Variants in KATNAL1 observed in about 807,000 individuals in gnomAD.
KATNAL1 encodes katanin catalytic subunit A1 like 1.
In KATNAL1, 32 loss-of-function variants were observed where a neutral mutation model predicts 55.2. That is an observed-to-expected ratio of 0.58 (90% CI 0.44 to 0.78). The LOEUF (loss-of-function observed/expected upper bound fraction) is 0.78, where lower values mean the gene tolerates loss of function less well. KATNAL1 is among the 30% of genes least tolerant of loss of function. KATNAL1 has a pLI of 0.00. For synonymous variants in KATNAL1, 193 were observed against 193.6 expected (o/e 1.00, Z 0.02); for missense variants, 466 against 600.9 (o/e 0.78, Z 2.35).
At chr13:30,220,403 G>GT (rs1167842543) in intron 9 of KATNAL1, among the ~76,000 whole-genome samples, 1 of 152,082 alleles carries the variant, frequency 6.6e-6, no homozygotes, top group African/African-American at 2.4e-5. Flanking sequence ...GGAGATTGCA[G>GT]TGAGCCGAAA....
rs1566122301 is a variant in KATNAL1, at chr13:30,274,893, GCGCGCGCGCGCGCGCA to G, written c.323+5154_323+5169del. Among the ~76,000 whole-genome samples the G allele has an allele frequency of 3.0e-3, 301 of 100,898 alleles. 10 individuals carry two copies. The highest frequency in any genetic ancestry group is 2.3e-3 in the Non-Finnish European group (115 of 50,802). 66.2% of individuals were successfully genotyped at this position (100,898 alleles called of 152,430 possible). On this transcript the variant is annotated intron_variant, in intron 3 of 10. Coordinates refer to ENST00000380615, the MANE Select transcript of KATNAL1 (RefSeq NM_032116.5). ...GGGCGGGGTGTGTGCACACACATAC[GCGCGCGCGCGCGCGCA>G]CACACACACACACACACACACACAC... is the stretch of plus-strand genomic sequence containing the variant.
At chr13:30,269,135 G>C (rs540362764) in intron 3 of KATNAL1, among the ~76,000 whole-genome samples, 4 of 151,990 alleles carry the variant, frequency 2.6e-5, no homozygotes, top group Non-Finnish European at 2.9e-5. Flanking sequence ...ATGCCGAGCC[G>C]AAGCTGGACT....
intron 1 of KATNAL1, chr13:30,296,730 A>T (rs1882526745): frequency 1.8e-6 from 1 of 546,234 alleles, no homozygotes; most frequent in East Asian, 4.3e-5. Context: ...CTCCAAACAA[A>T]ATTAGGCTGG....
intron 3 of KATNAL1, among the ~76,000 whole-genome samples, chr13:30,275,810 AC>A (rs929532232): frequency 6.6e-6 from 1 of 152,152 alleles, no homozygotes; most frequent in Non-Finnish European, 1.5e-5. Context: ...CAAATAATCA[AC>A]CTGTATACCT....
At position 30,264,530 on chromosome 13, in the gene KATNAL1, AAAAC is replaced by A. The variant is rs1225619311; in HGVS notation, c.324-8919_324-8916del. Among the ~76,000 whole-genome samples the A allele has an allele frequency of 3.6e-3, 544 of 151,378 alleles. 2 individuals are homozygous for A. The highest frequency in any genetic ancestry group is 3.4e-3 in the Non-Finnish European group (232 of 67,852). On this transcript the variant is annotated intron_variant, in intron 3 of 10. Transcript: ENST00000380615. ...ACAATGAACTCAAATTTACAAGAAA[AAAAC>A]AAACAACCCCATCAAAAAGTGGGTT... is the stretch of plus-strand genomic sequence containing the variant.
At chr13:30,296,038 T>TAA (rs34043407) in intron 1 of KATNAL1, 186 of 158,414 alleles carry the variant, frequency 1.2e-3, no homozygotes, top group Middle Eastern at 2.7e-3. Context: ...ATGCCAATTC[T>TAA]AAAAAAAAAA....
chr13:30,269,361 G>A (rs1311156843), intron 3 of KATNAL1, among the ~76,000 whole-genome samples: 3 of 152,260 alleles, frequency 2.0e-5, no homozygotes, highest in Non-Finnish European at 4.4e-5. Context: ...CGGGATTGCA[G>A]ACGGAGTCTG....
rs2137322609 is a variant in KATNAL1, at chr13:30,205,601, A to G, written c.*2939T>C. 6.7e-6 allele frequency: 1 copy of G among 150,032 alleles called. No individual in the cohort carries two copies. Among genetic ancestry groups the G allele is most frequent in the East Asian group, 2.0e-4 (1 of 5,110 alleles). 9.3% of individuals were successfully genotyped at this position (150,032 alleles called of 1,614,324 possible). A position where few individuals can be genotyped will look rare whatever the true frequency, so the allele number is the denominator to read the frequency against. On this transcript the variant is annotated 3_prime_UTR_variant, in exon 11 of 11. Transcript: ENST00000380615. ...AAGGCAACACACTGTCTTCTGCAAT[A>G]AAGACAGTCAGAGTGTGTGTGTGTG...
In KATNAL1 at chr13:30,261,864, G is replaced by A. The variant is rs1383427225; in HGVS notation, c.324-6249C>T. Among the ~76,000 whole-genome samples, 457 of 151,674 alleles carry A rather than the reference G, an allele frequency of 3.0e-3. 2 individuals are homozygous for A. The highest frequency in any genetic ancestry group is 5.9e-3 in the Admixed American group (89 of 15,212). The stretch of plus-strand genomic sequence containing the variant: ...TATTGAACTCAGCTCTGCACCAAGC[G>A]GACCTAATAGACATCTACAGAACTC... On this transcript the variant is annotated intron_variant, in intron 3 of 10. Transcript: ENST00000380615.
intron 3 of KATNAL1, among the ~76,000 whole-genome samples, chr13:30,265,376 T>C (rs557104559): frequency 1.1e-4 from 16 of 146,118 alleles, no homozygotes; most frequent in African/African-American, 4.0e-4. Flanking sequence ...AGTATAATAA[T>C]AATAAATTTA....
chr13:30,248,281 A>T (rs1157179122), intron 4 of KATNAL1, among the ~76,000 whole-genome samples: 2 of 152,246 alleles, frequency 1.3e-5, no homozygotes, highest in Non-Finnish European at 2.9e-5. Flanking sequence ...GTGGGTGAGT[A>T]AAAAACCAGA....
chr13:30,222,747 A>G (rs972474815), intron 9 of KATNAL1, among the ~76,000 whole-genome samples: 3 of 152,222 alleles, frequency 2.0e-5, no homozygotes, highest in African/African-American at 7.2e-5. Flanking sequence ...AGACTTAAAC[A>G]CAGTCATATC....
intron 3 of KATNAL1, among the ~76,000 whole-genome samples, chr13:30,270,265 C>T (rs1051232466): frequency 2.1e-5 from 3 of 142,524 alleles, no homozygotes; most frequent in African/African-American, 7.5e-5. Flanking sequence ...GTCAGCCCCC[C>T]CGCCCGGCCA....
chr13:30,274,897 GCGCGCGCGCGCACACA>G (rs1347387570), intron 3 of KATNAL1, among the ~76,000 whole-genome samples: 63 of 104,032 alleles, frequency 6.1e-4, no homozygotes, highest in African/African-American at 2.6e-3. Context: ...ACATACGCGC[GCGCGCGCGCGCACACA>G]CACACACACA....
intron 4 of KATNAL1, among the ~76,000 whole-genome samples, chr13:30,249,983 G>A (rs537183819): frequency 7.9e-5 from 12 of 152,148 alleles, no homozygotes; most frequent in Admixed American, 3.3e-4. Context: ...AAATAAATAC[G>A]CAAAACTCCT....
At chr13:30,255,901 A>C (rs1878743594) in intron 3 of KATNAL1, among the ~76,000 whole-genome samples, 1 of 152,192 alleles carries the variant, frequency 6.6e-6, no homozygotes, top group African/African-American at 2.4e-5. Context: ...GGCAACACAG[A>C]CTATCCCTAT....
intron 4 of KATNAL1, among the ~76,000 whole-genome samples, chr13:30,253,662 CAAAAAAA>C (rs71093036): frequency 1.1e-5 from 1 of 88,098 alleles, no homozygotes; most frequent in African/African-American, 4.4e-5. Context: ...GACTCCATCT[CAAAAAAA>C]AAAAAAAAAA....
At chr13:30,273,567 T>TAA (rs2137512685) in intron 3 of KATNAL1, among the ~76,000 whole-genome samples, 1 of 152,344 alleles carries the variant, frequency 6.6e-6, no homozygotes, top group East Asian at 1.9e-4. Flanking sequence ...AAGAACTCAC[T>TAA]AAATGTCAGT....
At position 30,214,094 on chromosome 13, in the gene KATNAL1, A is replaced by G. The variant is rs1016999850; in HGVS notation, c.1148-3652T>C. 7.2e-5 allele frequency among the ~76,000 whole-genome samples: 11 copies of G among 152,324 alleles called. 1 individual carries two copies. The highest frequency in any genetic ancestry group is 2.6e-4 in the African/African-American group (11 of 41,566). On this transcript the variant is annotated intron_variant, in intron 9 of 10. Coordinates refer to ENST00000380615, the MANE Select transcript of KATNAL1 (RefSeq NM_032116.5). Reference sequence around the variant, plus strand: ...AGCAAAGTCTCAGGATACAAAATCAATGTACAAAAATCACAAGCATTCTTA... The same window carrying G: ...AGCAAAGTCTCAGGATACAAAATCAGTGTACAAAAATCACAAGCATTCTTA...
Sources: gnomAD v4.1 joint callset for allele counts (sites outside exome capture counted in the v4.1 genomes callset) on GRCh38, gnomAD v4.1.1 for gene constraint, MANE v1.5 for transcripts, NCBI Gene and HGNC (gene_info 2026-07-23, HGNC 2026-07-21) for gene names.